The following HCN4 variants were observed in gnomAD, a reference collection of about 807,000 sequenced individuals.
HCN4 encodes the protein potassium/sodium hyperpolarization-activated cyclic nucleotide-gated channel 4.
Under a neutral mutation model 76.9 loss-of-function variants are expected in HCN4, and 29 were observed. The observed-to-expected ratio is 0.38, with a 90% confidence interval of 0.28 to 0.51. The LOEUF is 0.51. HCN4 is among the 20% of genes least tolerant of loss of function. HCN4 has a pLI of 0.90. For missense variants in HCN4, 1,416 were observed against 1,715.2 expected, an observed-to-expected ratio of 0.83 and a Z score of 3.08; for synonymous variants, 772 against 762.5, an observed-to-expected ratio of 1.01 and a Z score of -0.21.
At chr15:73,331,548 G>A (rs2042932396) in intron 3 of HCN4, among the ~76,000 whole-genome samples, 1 of 152,140 alleles carries the variant, frequency 6.6e-6, no homozygotes, top group African/African-American at 2.4e-5. Context: ...GAGCTCAAGG[G>A]ATCCCCCTGT....
chr15:73,344,042 C>A (rs1048519501), intron 1 of HCN4, among the ~76,000 whole-genome samples: 6 of 152,170 alleles, frequency 3.9e-5, no homozygotes, highest in Non-Finnish European at 1.5e-5. Flanking sequence ...TGTGAGTTTC[C>A]CCGAGCCCCA....
chr15:73,367,856 G>C lies in HCN4; in HGVS notation c.415C>G (p.Pro139Ala), dbSNP rs761237260. ...RRLIAEGDAS[P>A]GEDRTPPGLA... ...CCTGGGGGCGTCCTGTCCTCGCCGG[G>C]GGACGCGTCGCCCTCGGCGATGAGC... is the stretch of plus-strand genomic sequence containing the variant. Residue 139 changes from proline to alanine, a missense_variant, in exon 1 of 8, where the codon CCC becomes GCC. Physicochemically the swap from Pro to Ala is conservative, Grantham distance 27 (BLOSUM62 -1). Around this residue, in one of 6 missense-constraint regions of HCN4, gnomAD observed 355 missense variants for 347.8 expected, o/e 1.02. Coordinates refer to ENST00000261917, the MANE Select transcript of HCN4 (RefSeq NM_005477.3). The surrounding 1 kb of genome is among the most constrained non-coding windows in gnomAD (Gnocchi z 7.5). 2 of 1,308,388 alleles carry C rather than the reference G, an allele frequency of 1.5e-6. No homozygotes were observed. The highest frequency in any genetic ancestry group is 1.9e-6 in the Non-Finnish European group (2 of 1,027,030). 81.0% of individuals were successfully genotyped at this position (1,308,388 alleles called of 1,614,324 possible).
chr15:73,342,111 T>C (rs1170347206), intron 2 of HCN4, among the ~76,000 whole-genome samples: 1 of 152,206 alleles, frequency 6.6e-6, no homozygotes, highest in East Asian at 1.9e-4. Flanking sequence ...CTGGCCTGCC[T>C]GCCGCTGCTG....
Position 73,367,563 on chromosome 15 carries a change from G to A in HCN4, c.708C>T (p.Ser236=). ...CCTGTTCGCGCTCCACGGCTTTCTG[G>A]CTGCCGAACATCCTTAGGGAGAATT... ...VNKFSLRMFG[S]QKAVEREQER... Residue 236 remains serine, a synonymous_variant, in exon 1 of 8, where the codon AGC becomes AGT. Transcript: ENST00000261917. The surrounding 1 kb of genome is among the most constrained non-coding windows in gnomAD (Gnocchi z 7.5). 1.2e-6 allele frequency: 2 copies of A among 1,614,052 alleles called. No individual in the cohort carries two copies. Among genetic ancestry groups the A allele is most frequent in the Non-Finnish European group, 1.7e-6 (2 of 1,180,022 alleles).
At chr15:73,332,695 TAC>T (rs1263601480) in intron 2 of HCN4, among the ~76,000 whole-genome samples, 1 of 152,124 alleles carries the variant, frequency 6.6e-6, no homozygotes, top group Non-Finnish European at 1.5e-5. Context: ...ACCAAAAGTC[TAC>T]AGACATGCCA....
intron 1 of HCN4, among the ~76,000 whole-genome samples, chr15:73,361,658 T>C (rs1172679109): frequency 6.6e-6 from 1 of 152,206 alleles, no homozygotes; most frequent in Non-Finnish European, 1.5e-5. Context: ...GTGGTCAGTG[T>C]TGTGGCAGGC....
chr15:73,330,116 G>T (rs141668255), intron 3 of HCN4, among the ~76,000 whole-genome samples: 60 of 152,298 alleles, frequency 3.9e-4, no homozygotes, highest in Non-Finnish European at 2.1e-4. Flanking sequence ...CTGAGCCACC[G>T]TGCTGTCCTT....
chr15:73,329,481 A>AGG, intron 4 of HCN4, 92 bp downstream of exon 4: 1 of 1,168,008 alleles, frequency 8.6e-7, no homozygotes, highest in Non-Finnish European at 1.3e-6. Flanking sequence ...GGGTGGGAGC[A>AGG]GGGGGCGGTT....
Position 73,328,441 on chromosome 15 carries a change from G to A in HCN4, c.1590+1132C>T, listed in dbSNP as rs980223364. Among the ~76,000 whole-genome samples the A allele has an allele frequency of 3.9e-5, 6 of 151,974 alleles. No individual in the cohort carries two copies. Among genetic ancestry groups the A allele is most frequent in the Admixed American group, 1.3e-4 (2 of 15,256 alleles). On this transcript the variant is annotated intron_variant, in intron 4 of 7. Transcript: ENST00000261917. This position sits in a 1 kb window ranked among gnomAD's most constrained non-coding sequence, Gnocchi z 4.0. The stretch of plus-strand genomic sequence containing the variant: ...AGTTAATCTACATCTTCAGAGCAAC[G>A]TGAAGTCCCTGAAGAGTTTCAAGCA...
chr15:73,352,220 G>T (rs1283911132), intron 1 of HCN4, among the ~76,000 whole-genome samples: 1 of 152,204 alleles, frequency 6.6e-6, no homozygotes, highest in Non-Finnish European at 1.5e-5. Context: ...ATGGGGGATG[G>T]GTGAACAGAT....
At chr15:73,324,580 G>A (rs1415122789) in intron 6 of HCN4, among the ~76,000 whole-genome samples, 2 of 152,208 alleles carry the variant, frequency 1.3e-5, no homozygotes, top group African/African-American at 2.4e-5. Context: ...CCTCGTGGAT[G>A]GAATTAGTGC....
At chr15:73,342,326 C>T (rs919671120) in intron 2 of HCN4, 8 of 152,290 alleles carry the variant, frequency 5.3e-5, no homozygotes, top group African/African-American at 1.9e-4. Context: ...GTGTTCACAG[C>T]CCCTAGGATC....
intron 1 of HCN4, among the ~76,000 whole-genome samples, chr15:73,360,828 A>G (rs2043101841): frequency 1.3e-5 from 2 of 152,208 alleles, no homozygotes; most frequent in Admixed American, 1.3e-4. Flanking sequence ...ATTTGAGTCT[A>G]GGGCTATAAA....
rs370649477 is a variant in HCN4 at position 73,322,022 on chromosome 15, C to A, written c.*459G>T. The A allele has an allele frequency of 4.5e-4, 88 of 195,722 alleles. No individual in the cohort carries two copies. In the South Asian group the frequency reaches 4.8e-3, roughly 11 times the overall value. 12.1% of individuals were successfully genotyped at this position (195,722 alleles called of 1,614,324 possible). A position where few individuals can be genotyped will look rare whatever the true frequency, so the allele number is the denominator to read the frequency against. Reference sequence around the variant, plus strand: ...GGCCCTTTTCTCCCAAGGTCGCAGGCTTCTGAGGCTCCCCAGGGCACACCC... The same window carrying A: ...GGCCCTTTTCTCCCAAGGTCGCAGGATTCTGAGGCTCCCCAGGGCACACCC... On this transcript the variant is annotated 3_prime_UTR_variant, in exon 8 of 8. Coordinates refer to ENST00000261917, the MANE Select transcript of HCN4 (RefSeq NM_005477.3).
At chr15:73,350,707 C>T (rs947813144) in intron 1 of HCN4, among the ~76,000 whole-genome samples, 1 of 152,158 alleles carries the variant, frequency 6.6e-6, no homozygotes, top group African/African-American at 2.4e-5. Flanking sequence ...ATCAGCGGCT[C>T]TTCTACCTGC....
chr15:73,325,589 A>G lies in HCN4; in HGVS notation c.1591-145T>C. 1.2e-6 allele frequency: 1 copy of G among 817,912 alleles called. No individual in the cohort carries two copies. The highest frequency in any genetic ancestry group is 2.1e-6 in the Non-Finnish European group (1 of 487,426). The allele number at this position is 817,912 out of a possible 1,614,324, so 50.7% of individuals were successfully genotyped here. A position where few individuals can be genotyped will look rare whatever the true frequency, so the allele number is the denominator to read the frequency against. ...TGGTTCCTTGAGATCTGAGGTCTAC[A>G]GTGTGGAAATGACCTCACTGTGCTC... On this transcript the variant is annotated intron_variant, in intron 4 of 7. Coordinates refer to ENST00000261917, the MANE Select transcript of HCN4 (RefSeq NM_005477.3). The surrounding 1 kb of genome is among the most constrained non-coding windows in gnomAD (Gnocchi z 7.4).
At position 73,329,760 on chromosome 15, in the gene HCN4, G is replaced by A. The variant is rs760413254; in HGVS notation, c.1403C>T (p.Ala468Val). ...NNSWGKQYSY[A>V]LFKAMSHMLC... ...CATGTGGCTCATGGCCTTGAAGAGC[G>A]CGTAGGAGTACTGCTTCCCCCAGGA... The change falls in exon 4 of 8, where the codon GCG becomes GTG. Residue 468 changes from alanine to valine, a missense_variant. Coordinates refer to ENST00000261917, the MANE Select transcript of HCN4 (RefSeq NM_005477.3). The A allele has an allele frequency of 6.2e-6, 10 of 1,613,922 alleles. No individual in the cohort carries two copies. The highest frequency in any genetic ancestry group is 2.2e-5 in the South Asian group (2 of 91,086).
intron 1 of HCN4, among the ~76,000 whole-genome samples, chr15:73,353,897 C>T (rs75043536): frequency 0.013 from 1,953 of 152,254 alleles, 41 homozygotes; most frequent in African/African-American, 0.045. Context: ...CCCAACCTCC[C>T]CTCACTGTTG....
chr15:73,358,236 C>T (rs2043090022), intron 1 of HCN4, among the ~76,000 whole-genome samples: 1 of 152,140 alleles, frequency 6.6e-6, no homozygotes, highest in South Asian at 2.1e-4. Context: ...GGCAGTCTCC[C>T]CTGCTGGACC....
Sources: allele counts gnomAD v4.1 joint callset (sites outside exome capture counted in the v4.1 genomes callset), GRCh38; gene constraint gnomAD v4.1.1; regional missense constraint gnomAD v4.1.1; non-coding constraint Gnocchi (gnomAD v3.1); transcripts MANE v1.5; gene names NCBI Gene and HGNC (gene_info 2026-07-23, HGNC 2026-07-21).